CABIN1: variants seen among roughly 807,000 people sequenced by gnomAD.
The protein encoded by CABIN1 is calcineurin-binding protein cabin-1.
In CABIN1, 133 loss-of-function variants were observed where a neutral mutation model predicts 227.7. The observed-to-expected ratio is 0.58, with a 90% confidence interval of 0.51 to 0.67. The LOEUF is 0.67. Among genes scored for constraint, CABIN1 ranks in the 30% least tolerant of loss-of-function variants. The probability of loss-of-function intolerance (pLI) is 0.00; values close to 1 mark genes in which losing one functional copy is unlikely to be tolerated. For synonymous variants in CABIN1, 1,086 were observed against 1,155.1 expected, an observed-to-expected ratio of 0.94 and a Z score of 1.21; for missense variants, 2,408 against 2,852.5, an observed-to-expected ratio of 0.84 and a Z score of 3.55.
intron 15 of CABIN1, 126 bp downstream of exon 15, chr22:24,064,313 C>T: frequency 9.5e-7 from 1 of 1,047,626 alleles, no homozygotes; most frequent in Non-Finnish European, 1.4e-6. Flanking sequence ...TCAAGGGATT[C>T]TCCTGCCTCA....
chr22:24,056,488 T>C, intron 10 of CABIN1, 128 bp downstream of exon 10: 8 of 924,384 alleles, frequency 8.7e-6, no homozygotes, highest in Non-Finnish European at 1.4e-5. Flanking sequence ...ATAACATCTG[T>C]GCAGATGTCT....
intron 29 of CABIN1, among the ~76,000 whole-genome samples, chr22:24,138,913 C>G (rs1342501909): frequency 6.6e-6 from 1 of 152,122 alleles, no homozygotes; most frequent in African/African-American, 2.4e-5. Flanking sequence ...GGGCAGGACT[C>G]TTATCTGGAA....
chr22:24,114,279 T>C (rs978462353), intron 27 of CABIN1, among the ~76,000 whole-genome samples: 7 of 152,162 alleles, frequency 4.6e-5, no homozygotes, highest in African/African-American at 1.7e-4. Flanking sequence ...AGAAATCAGT[T>C]GGCAGAGCCC....
At position 24,035,453 on chromosome 22, in the gene CABIN1, G is replaced by A; in HGVS notation, c.-65G>A. On this transcript the variant is annotated 5_prime_UTR_variant, in exon 2 of 37. Transcript: ENST00000263119. Reference sequence around the variant, plus strand: ...CCTATTTCCTTTCTAGGAGAGTTGTGGACTGGGGCAACCTTTGCCAGTGAT... The same window carrying A: ...CCTATTTCCTTTCTAGGAGAGTTGTAGACTGGGGCAACCTTTGCCAGTGAT... The A allele has an allele frequency of 6.2e-7, 1 of 1,610,790 alleles. No individual in the cohort carries two copies. Among genetic ancestry groups the A allele is most frequent in the East Asian group, 2.2e-5 (1 of 44,864 alleles).
rs1601906563 is a variant in CABIN1, at chr22:24,070,736, T to A, written c.2233-64T>A. ...TCTGTTTTCCTTCAGTTGTCTCTGC[T>A]CAGGCCTTGGGCCCAGATGTGCTGA... is the stretch of plus-strand genomic sequence containing the variant. On this transcript the variant is annotated intron_variant, in intron 16 of 36. Coordinates refer to ENST00000263119, the MANE Select transcript of CABIN1 (RefSeq NM_012295.4). 1.9e-6 allele frequency: 3 copies of A among 1,612,706 alleles called. No homozygotes were observed. The South Asian group carries it at 3.3e-5, about 18-fold the overall frequency.
intron 8 of CABIN1, among the ~76,000 whole-genome samples, chr22:24,052,504 A>G (rs1470857841): frequency 1.3e-5 from 2 of 149,830 alleles, no homozygotes; most frequent in South Asian, 2.1e-4. Context: ...AAAAATGTGT[A>G]AACTAGCTGG....
intron 29 of CABIN1, among the ~76,000 whole-genome samples, chr22:24,150,793 C>T (rs1428571350): frequency 1.3e-5 from 2 of 152,214 alleles, no homozygotes; most frequent in African/African-American, 2.4e-5. Context: ...TGCTATTCTC[C>T]AGTGGGAGCA....
chr22:24,020,940 G>C (rs181369450), intron 1 of CABIN1, among the ~76,000 whole-genome samples: 248 of 151,998 alleles, frequency 1.6e-3, no homozygotes, highest in Admixed American at 2.4e-3. Context: ...CATCTCCTCT[G>C]TTATGTTGTT....
intron 1 of CABIN1, among the ~76,000 whole-genome samples, chr22:24,014,203 A>G (rs1051730659): frequency 1.3e-5 from 2 of 152,172 alleles, no homozygotes; most frequent in African/African-American, 2.4e-5. Context: ...CTTTCCTTCT[A>G]CATTATTAAG....
rs1276186463 is a variant in CABIN1, at chr22:24,177,634, A to G, written c.6336A>G (p.Pro2112=). ...KAPSSGSAQP[P]EGHPGKPEPS... ...CCAGCAGTGGGAGTGCCCAGCCACC[A>G]GAGGGTCACCCAGGCAAGCCTGAGC... The change falls in exon 36 of 37, where the codon CCA becomes CCG. Residue 2112 remains proline (P), a synonymous_variant. Transcript: ENST00000263119. This position sits in a 1 kb window ranked among gnomAD's most constrained non-coding sequence, Gnocchi z 4.4. 6.2e-7 allele frequency: 1 copy of G among 1,613,558 alleles called. No homozygotes were observed.
At chr22:24,083,116 C>A in intron 19 of CABIN1, 112 bp from the exon 20 acceptor site, 1 of 1,078,850 alleles carries the variant, frequency 9.3e-7, no homozygotes, top group Non-Finnish European at 1.4e-6. Flanking sequence ...ACAGACATAG[C>A]CACCTCAGGT....
At chr22:24,077,884 T>A (rs977197234) in intron 19 of CABIN1, among the ~76,000 whole-genome samples, 1 of 152,218 alleles carries the variant, frequency 6.6e-6, no homozygotes, top group African/African-American at 2.4e-5. Context: ...AATCTGTGTC[T>A]TTTCTACTGG....
intron 1 of CABIN1, among the ~76,000 whole-genome samples, chr22:24,032,051 C>T (rs1308110233): frequency 1.2e-4 from 19 of 152,184 alleles, no homozygotes. Context: ...GCATTATGTA[C>T]ATTCACATTG....
At chr22:24,033,189 G>A (rs2036616709) in intron 1 of CABIN1, among the ~76,000 whole-genome samples, 1 of 152,190 alleles carries the variant, frequency 6.6e-6, no homozygotes. Flanking sequence ...GTCTAGGAAA[G>A]GTTTGAGTCT....
chr22:24,023,759 A>G (rs1400193715), intron 1 of CABIN1, among the ~76,000 whole-genome samples: 2 of 146,960 alleles, frequency 1.4e-5, no homozygotes, highest in African/African-American at 5.1e-5. Flanking sequence ...TTTGAGATGG[A>G]GACTTGCTCT....
At chr22:24,052,746 C>A (rs1182187819) in intron 8 of CABIN1, among the ~76,000 whole-genome samples, 1 of 149,774 alleles carries the variant, frequency 6.7e-6, no homozygotes, top group Non-Finnish European at 1.5e-5. Flanking sequence ...GCTGTGATGG[C>A]ACCACTGCAT....
chr22:24,068,846 A>C (rs1306565281), intron 16 of CABIN1, among the ~76,000 whole-genome samples: 2 of 152,152 alleles, frequency 1.3e-5, no homozygotes, highest in Non-Finnish European at 2.9e-5. Context: ...CAGTCTTTCC[A>C]AGAGTGGAGA....
At chr22:24,166,573 C>T (rs774280536) in intron 31 of CABIN1, 66 bp from the exon 32 acceptor site, 14 of 1,607,366 alleles carry the variant, frequency 8.7e-6, no homozygotes, top group East Asian at 2.2e-5. Flanking sequence ...CTCACCAGCC[C>T]CCAGAGGTGA....
intron 29 of CABIN1, among the ~76,000 whole-genome samples, chr22:24,155,576 C>T (rs1160782849): frequency 2.0e-5 from 3 of 152,218 alleles, no homozygotes; most frequent in Non-Finnish European, 4.4e-5. Flanking sequence ...GCGGTCTTCA[C>T]TGCAGCCCCC....
Sources: allele counts gnomAD v4.1 joint callset (sites outside exome capture counted in the v4.1 genomes callset), GRCh38; gene constraint gnomAD v4.1.1; non-coding constraint Gnocchi (gnomAD v3.1); transcripts MANE v1.5; gene names NCBI Gene and HGNC (gene_info 2026-07-23, HGNC 2026-07-21).